Variants in GLI3 observed in about 807,000 individuals in gnomAD.
GLI3 encodes transcription activator GLI3.
In GLI3, 20 loss-of-function variants were observed where a neutral mutation model predicts 100.8. The ratio of observed to expected loss-of-function variants is 0.20; its 90% CI spans 0.14 to 0.29. GLI3 has a LOEUF of 0.29. Among genes scored for constraint, GLI3 ranks in the 10% least tolerant of loss-of-function variants. GLI3 has a pLI of 1.00. For missense variants in GLI3, 2,040 were observed against 2,128.5 expected (o/e 0.96, Z 0.82); for synonymous variants, 938 against 860.5 (o/e 1.09, Z -1.58).
Position 42,148,309 on chromosome 7 carries a change from G to T in GLI3, c.284C>A (p.Pro95Gln). ...LIKKEIHGSL[P>Q]HVAEPSVPYR... Reference sequence around the variant, plus strand: ...CGGCACAGAGGGCTCCGCCACGTGTGGCAGGGACCCATGGATCTCTTTCTT... The same window carrying T: ...CGGCACAGAGGGCTCCGCCACGTGTTGCAGGGACCCATGGATCTCTTTCTT... Residue 95 changes from proline to glutamine, a missense_variant, in exon 3 of 15, where the codon CCA becomes CAA. Physicochemically the swap from Pro to Gln is moderately conservative, Grantham distance 76. Coordinates refer to ENST00000395925, the MANE Select transcript of GLI3 (RefSeq NM_000168.6). 6.2e-7 allele frequency: 1 copy of T among 1,613,410 alleles called. No homozygotes were observed. The highest frequency in any genetic ancestry group is 8.5e-7 in the Non-Finnish European group (1 of 1,179,622).
intron 3 of GLI3, among the ~76,000 whole-genome samples, chr7:42,087,505 C>A (rs753137928): frequency 6.6e-6 from 1 of 152,214 alleles, no homozygotes; most frequent in African/African-American, 2.4e-5. Context: ...CTGATGGGCG[C>A]TCAGCAATCA....
At chr7:42,203,900 G>A (rs956175303) in intron 2 of GLI3, among the ~76,000 whole-genome samples, 15 of 152,128 alleles carry the variant, frequency 9.9e-5, no homozygotes, top group African/African-American at 3.6e-4. Context: ...TTGGGATGCT[G>A]AGGCAGGAGA....
At chr7:42,077,202 A>C (rs1301409482) in intron 3 of GLI3, among the ~76,000 whole-genome samples, 1 of 152,180 alleles carries the variant, frequency 6.6e-6, no homozygotes, top group Non-Finnish European at 1.5e-5. Context: ...CAAGGGGAAG[A>C]GATTAAAACA....
intron 3 of GLI3, among the ~76,000 whole-genome samples, chr7:42,093,431 A>C (rs1562725525): frequency 6.6e-6 from 1 of 151,866 alleles, no homozygotes; most frequent in African/African-American, 2.4e-5. Context: ...AGAAACACAT[A>C]TACTCACCAC....
chr7:42,081,346 T>C (rs1784993032), intron 3 of GLI3, among the ~76,000 whole-genome samples: 1 of 152,212 alleles, frequency 6.6e-6, no homozygotes. Flanking sequence ...GTTTGACTAT[T>C]GTACCCGAGT....
chr7:42,018,287 G>A (rs367619513), intron 10 of GLI3, among the ~76,000 whole-genome samples: 3 of 152,096 alleles, frequency 2.0e-5, no homozygotes, highest in Admixed American at 1.3e-4. Context: ...TAGAGTAACC[G>A]AATTAACTAG....
In GLI3 at chr7:42,244,367, A is replaced by T. The variant is rs185124793; in HGVS notation, c.-43+19627T>A. ...ACCAAAATTGGATATGTTTTAGAACATAAGGATACAAGTTTACATGTAGTG... is the reference window on the plus strand; with the variant it reads ...ACCAAAATTGGATATGTTTTAGAACTTAAGGATACAAGTTTACATGTAGTG... On this transcript the variant is annotated intron_variant, in intron 1 of 2. Transcript: ENST00000678978. 1.2e-3 allele frequency among the ~76,000 whole-genome samples: 183 copies of T among 152,372 alleles called. 4 individuals are homozygous for T. The highest frequency in any genetic ancestry group is 0.011 in the Admixed American group (161 of 15,304).
chr7:42,099,628 C>T lies in GLI3; in HGVS notation c.368-22771G>A, dbSNP rs150313455. ...GTGCGATCACAGCTCACTGCAGCTG[C>T]GACCTCCCGAACTCAAGTGATTCTC... is the stretch of plus-strand genomic sequence containing the variant. On this transcript the variant is annotated intron_variant, in intron 3 of 14. Transcript: ENST00000395925. Among the ~76,000 whole-genome samples, 295 of 152,198 alleles carry T rather than the reference C, an allele frequency of 1.9e-3. 1 individual carries two copies. The highest frequency in any genetic ancestry group is 0.01 in the East Asian group (54 of 5,168).
intron 12 of GLI3, among the ~76,000 whole-genome samples, chr7:41,976,677 G>T (rs1787522431): frequency 6.6e-6 from 1 of 152,152 alleles, no homozygotes; most frequent in South Asian, 2.1e-4. Flanking sequence ...CTGTGGTGCT[G>T]AACTATGTCT....
chr7:41,972,198 G>T lies in GLI3; in HGVS notation c.2103+139C>A. The T allele has an allele frequency of 1.2e-6, 1 of 820,562 alleles. No homozygotes were observed. The highest frequency in any genetic ancestry group is 2.1e-6 in the Non-Finnish European group (1 of 469,256). 50.8% of individuals were successfully genotyped at this position (820,562 alleles called of 1,614,324 possible). Reference sequence around the variant, plus strand: ...CTGATCGACTTCACGTAAGCAATACGGGTCACTGCCCTCATCGCCTCCTCA... The same window carrying T: ...CTGATCGACTTCACGTAAGCAATACTGGTCACTGCCCTCATCGCCTCCTCA... On this transcript the variant is annotated intron_variant, in intron 13 of 14. Coordinates refer to ENST00000395925, the MANE Select transcript of GLI3 (RefSeq NM_000168.6). This position sits in a 1 kb window ranked among gnomAD's most constrained non-coding sequence, Gnocchi z 4.4.
rs1015399068 is a variant in GLI3, at chr7:41,972,002, G to T, written c.2103+335C>A. ...GCCTATTTACCTTGGGGTCACCAGG[G>T]CAAAGAAGACAGAAAGCATGTTTAC... On this transcript the variant is annotated intron_variant, in intron 13 of 14. Transcript: ENST00000395925. This position sits in a 1 kb window ranked among gnomAD's most constrained non-coding sequence, Gnocchi z 4.4. Among the ~76,000 whole-genome samples the T allele has an allele frequency of 6.6e-6, 1 of 152,214 alleles. No homozygotes were observed. Among genetic ancestry groups the T allele is most frequent in the African/African-American group, 2.4e-5 (1 of 41,458 alleles).
rs1265840227 is a variant in GLI3 at position 41,966,250 on chromosome 7, C to A, written c.2823G>T (p.Pro941=). ...TCTCCATGTTGGGCAGGGGCGTCGG[C>A]GGCGGCCCTCCTGTGGCAGCCGCGT... is the stretch of plus-strand genomic sequence containing the variant. ...AKYAAATGGP[P]PTPLPNMERM... is the part of the protein sequence containing the mutation. Residue 941 remains proline, a synonymous_variant, in exon 15 of 15, where the codon CCG becomes CCT. Coordinates refer to ENST00000395925, the MANE Select transcript of GLI3 (RefSeq NM_000168.6). This position sits in a 1 kb window ranked among gnomAD's most constrained non-coding sequence, Gnocchi z 5.8. The A allele has an allele frequency of 1.2e-6, 2 of 1,607,782 alleles. No individual in the cohort carries two copies. Among genetic ancestry groups the A allele is most frequent in the Non-Finnish European group, 1.7e-6 (2 of 1,179,066 alleles).
chr7:42,233,095 T>A (rs1788726305), intron 1 of GLI3, among the ~76,000 whole-genome samples: 1 of 152,222 alleles, frequency 6.6e-6, no homozygotes, highest in South Asian at 2.1e-4. Flanking sequence ...ACATTTAACA[T>A]TCAATTTCTT....
intron 1 of GLI3, among the ~76,000 whole-genome samples, chr7:42,251,289 C>A (rs1334016907): frequency 6.6e-6 from 1 of 152,170 alleles, no homozygotes; most frequent in Non-Finnish European, 1.5e-5. Context: ...TACCTCAGAT[C>A]ATCAGGCATT....
At chr7:42,206,550 T>G (rs1175699720) in intron 2 of GLI3, among the ~76,000 whole-genome samples, 1 of 152,194 alleles carries the variant, frequency 6.6e-6, no homozygotes, top group African/African-American at 2.4e-5. Flanking sequence ...TTTTTATACT[T>G]TCACTTCATA....
intron 2 of GLI3, among the ~76,000 whole-genome samples, chr7:42,160,531 G>A (rs182490643): frequency 6.6e-6 from 1 of 152,258 alleles, no homozygotes; most frequent in Admixed American, 6.5e-5. Context: ...CCCCTCACAT[G>A]AGATCAGGTG....
chr7:41,974,475 T>C (rs1787454627), intron 12 of GLI3, among the ~76,000 whole-genome samples: 1 of 152,186 alleles, frequency 6.6e-6, no homozygotes, highest in Non-Finnish European at 1.5e-5. Context: ...CTAAGAAAAA[T>C]GTTCTCAGAC....
intron 10 of GLI3, among the ~76,000 whole-genome samples, chr7:42,002,234 T>G (rs1159650796): frequency 6.6e-6 from 1 of 152,130 alleles, no homozygotes; most frequent in Non-Finnish European, 1.5e-5. Context: ...CACTAAAAAT[T>G]ATAGAGAATT....
chr7:42,154,877 A>C (rs769648307), intron 2 of GLI3, among the ~76,000 whole-genome samples: 51 of 152,166 alleles, frequency 3.4e-4, no homozygotes, highest in Admixed American at 1.0e-3. Context: ...TCGGGGTCAG[A>C]CTTTGCCCTT....
Sources: gnomAD v4.1 joint callset for allele counts (sites outside exome capture counted in the v4.1 genomes callset) on GRCh38, gnomAD v4.1.1 for gene constraint, Gnocchi (gnomAD v3.1) non-coding constraint, MANE v1.5 for transcripts, NCBI Gene and HGNC (gene_info 2026-07-23, HGNC 2026-07-21) for gene names.